FMN2: variants seen among roughly 807,000 people sequenced by gnomAD.
The protein encoded by FMN2 is formin-2.
A neutral mutation model predicts 142.3 loss-of-function variants in FMN2; 51 were observed. The observed-to-expected ratio is 0.36, with a 90% CI of 0.29 to 0.45. The LOEUF is 0.45. Ranked by LOEUF, FMN2 falls within the 20% of genes least tolerant of loss-of-function variation. FMN2 has a pLI of 1.00. For missense variants in FMN2, 1,936 were observed against 2,122.8 expected (o/e 0.91, Z 1.73); for synonymous variants, 882 against 869.8 (o/e 1.01, Z -0.25).
intron 6 of FMN2, among the ~76,000 whole-genome samples, chr1:240,243,119 G>C (rs190688934): frequency 1.1e-4 from 17 of 151,972 alleles, no homozygotes. Context: ...CCTTGGTTGC[G>C]GGAGTAGACC....
chr1:240,338,734 G>A (rs1018766199), intron 13 of FMN2, among the ~76,000 whole-genome samples: 1 of 152,152 alleles, frequency 6.6e-6, no homozygotes, highest in Non-Finnish European at 1.5e-5. Context: ...CAGTTTTTCC[G>A]TGGACAAGCC....
intron 10 of FMN2, 84 bp from the exon 11 acceptor site, chr1:240,330,519 A>G (rs949567112): frequency 3.5e-6 from 5 of 1,426,216 alleles, no homozygotes; most frequent in Middle Eastern, 2.4e-4. Context: ...CTAATATAAT[A>G]TAAATAGCTG....
intron 8 of FMN2, among the ~76,000 whole-genome samples, chr1:240,298,371 C>G (rs1435265593): frequency 6.6e-6 from 1 of 152,140 alleles, no homozygotes; most frequent in Admixed American, 6.5e-5. Context: ...AAAAATAAGT[C>G]TTGGGAAGGC....
intron 14 of FMN2, among the ~76,000 whole-genome samples, chr1:240,360,362 A>G (rs1672421430): frequency 6.6e-6 from 1 of 152,218 alleles, no homozygotes; most frequent in African/African-American, 2.4e-5. Context: ...TTTTCTGTGC[A>G]TCTTTCACTG....
At chr1:240,314,334 G>A (rs1362614140) in intron 8 of FMN2, among the ~76,000 whole-genome samples, 1 of 152,096 alleles carries the variant, frequency 6.6e-6, no homozygotes, top group African/African-American at 2.4e-5. Context: ...ATTGAAAGGA[G>A]AGAAAGGGAG....
intron 2 of FMN2, among the ~76,000 whole-genome samples, chr1:240,129,116 C>T (rs1436458040): frequency 4.6e-5 from 7 of 152,078 alleles, no homozygotes; most frequent in Non-Finnish European, 8.8e-5. Context: ...TCAGGTGATC[C>T]ACCTGCTTTG....
rs993424997 is a variant in FMN2, at chr1:240,311,031, G to C, written c.4215+16148G>C. Among the ~76,000 whole-genome samples, 3 of 151,904 alleles carry C rather than the reference G, an allele frequency of 2.0e-5. No individual in the cohort carries two copies. In the South Asian group the frequency reaches 6.2e-4, roughly 32 times the overall value. ...AAATACATGAAAAAAGATAGGAAGGGAAAAAATTCAACACCCCCTTTGTCA... is the reference window on the plus strand; with the variant it reads ...AAATACATGAAAAAAGATAGGAAGGCAAAAAATTCAACACCCCCTTTGTCA... On this transcript the variant is annotated intron_variant, in intron 8 of 17. Transcript: ENST00000319653.
Position 240,123,107 on chromosome 1 carries a change from C to T in FMN2, c.1616-72C>T, listed in dbSNP as rs527762115. 157 of 1,550,708 alleles carry T rather than the reference C, an allele frequency of 1.0e-4. 2 individuals carry two copies. In the South Asian group the frequency reaches 1.8e-3, roughly 17 times the overall value. ...TGTTCCCTGGCAGTGTTTACCCAGC[C>T]GCTGTCCCCTGGCGAGTTCAGAGCC... On this transcript the variant is annotated intron_variant, in intron 1 of 17. Coordinates refer to ENST00000319653, the MANE Select transcript of FMN2 (RefSeq NM_020066.5).
intron 3 of FMN2, among the ~76,000 whole-genome samples, chr1:240,180,586 T>TTTTTA (rs1572027533): frequency 6.7e-6 from 1 of 149,636 alleles, no homozygotes; most frequent in East Asian, 2.0e-4. Context: ...TTTTTTTTTT[T>TTTTTA]AATGGATTCT....
At chr1:240,447,331 A>G (rs1341482368) in intron 16 of FMN2, among the ~76,000 whole-genome samples, 1 of 152,180 alleles carries the variant, frequency 6.6e-6, no homozygotes, top group Non-Finnish European at 1.5e-5. Flanking sequence ...TATATATTTC[A>G]ATATAGGACC....
chr1:240,199,143 A>G (rs1010624874), intron 4 of FMN2, among the ~76,000 whole-genome samples: 6 of 152,154 alleles, frequency 3.9e-5, no homozygotes, highest in Admixed American at 6.5e-5. Flanking sequence ...ACAAATAGAG[A>G]ATTTATATGC....
At chr1:240,413,497 T>TA (rs1674482913) in intron 15 of FMN2, among the ~76,000 whole-genome samples, 1 of 152,128 alleles carries the variant, frequency 6.6e-6, no homozygotes, top group South Asian at 2.1e-4. Flanking sequence ...ACCTCTGAGA[T>TA]ATGTTGGCCT....
At chr1:240,185,357 C>T (rs1157004317) in intron 3 of FMN2, among the ~76,000 whole-genome samples, 1 of 152,072 alleles carries the variant, frequency 6.6e-6, no homozygotes, top group African/African-American at 2.4e-5. Flanking sequence ...CCCTCTAGAA[C>T]TCCTATTTTC....
intron 16 of FMN2, among the ~76,000 whole-genome samples, chr1:240,468,719 G>A (rs1676715369): frequency 6.6e-6 from 1 of 152,174 alleles, no homozygotes; most frequent in South Asian, 2.1e-4. Context: ...AATGAGGAGT[G>A]AGGCAGGAGA....
intron 5 of FMN2, 55 bp from the exon 6 acceptor site, chr1:240,211,036 C>A: frequency 6.5e-7 from 1 of 1,528,998 alleles, no homozygotes; most frequent in Admixed American, 2.0e-5. Flanking sequence ...TTTATGCTTG[C>A]TGTGATGTAA....
intron 16 of FMN2, among the ~76,000 whole-genome samples, chr1:240,445,980 G>GA (rs1414796497): frequency 6.6e-6 from 1 of 152,098 alleles, no homozygotes; most frequent in Non-Finnish European, 1.5e-5. Context: ...TTTGGAATCA[G>GA]AAAATTGTAA....
At chr1:240,378,528 T>C (rs1673122344) in intron 14 of FMN2, among the ~76,000 whole-genome samples, 1 of 152,196 alleles carries the variant, frequency 6.6e-6, no homozygotes, top group Non-Finnish European at 1.5e-5. Context: ...GGAAAACTTT[T>C]GAACCTTATC....
intron 6 of FMN2, among the ~76,000 whole-genome samples, chr1:240,249,283 G>C (rs1258039023): frequency 2.0e-5 from 3 of 152,012 alleles, no homozygotes; most frequent in Non-Finnish European, 4.4e-5. Context: ...TATATGGTGA[G>C]AGATAAGGGT....
chr1:240,210,122 A>G (rs909436913), intron 5 of FMN2, among the ~76,000 whole-genome samples: 1 of 152,204 alleles, frequency 6.6e-6, no homozygotes, highest in African/African-American at 2.4e-5. Context: ...TGATCATCAT[A>G]AAAGAATACT....
Sources: gnomAD v4.1 joint callset for allele counts (sites outside exome capture counted in the v4.1 genomes callset) on GRCh38, gnomAD v4.1.1 for gene constraint, MANE v1.5 for transcripts, NCBI Gene and HGNC (gene_info 2026-07-23, HGNC 2026-07-21) for gene names.